The following MGA variants were observed in gnomAD, a reference collection of about 807,000 sequenced individuals.
MGA encodes the protein MAX dimerization protein MGA.
MGA carries 40 observed loss-of-function variants against 261.1 expected under a neutral mutation model. The observed-to-expected ratio is 0.15, with a 90% CI of 0.12 to 0.20. The LOEUF is 0.20. MGA is among the 10% of genes least tolerant of loss of function. The pLI, the probability that MGA is intolerant of heterozygous loss-of-function variation, is 1.00. For synonymous variants in MGA, 1,302 were observed against 1,290.6 expected (o/e 1.01, Z -0.19); for missense variants, 3,397 against 3,630.5 (o/e 0.94, Z 1.65).
Position 41,736,626 on chromosome 15 carries a change from A to G in MGA, c.4362A>G (p.Ala1454=), listed in dbSNP as rs758399095. ...GAGGCAAAGGTCTGCCTTTTTATGC[A>G]GGGCTTTCTCCTGCAGGGAAGCTTG... The change falls in exon 13 of 24, where the codon GCA becomes GCG. Residue 1454 remains alanine (A), a synonymous_variant. Coordinates refer to ENST00000219905, the MANE Select transcript of MGA (RefSeq NM_001164273.2). The G allele has an allele frequency of 3.7e-6, 6 of 1,613,898 alleles. No homozygotes were observed. The African/African-American group carries it at 6.7e-5, about 18-fold the overall frequency.
intron 9 of MGA, among the ~76,000 whole-genome samples, chr15:41,716,625 AAGAT>A (rs2060652408): frequency 6.6e-6 from 1 of 152,144 alleles, no homozygotes; most frequent in Non-Finnish European, 1.5e-5. Context: ...GTTTTGCAAA[AAGAT>A]AGGTGGAAAC....
intron 19 of MGA, among the ~76,000 whole-genome samples, chr15:41,759,593 G>T (rs1416785883): frequency 6.6e-6 from 1 of 151,402 alleles, no homozygotes; most frequent in Non-Finnish European, 1.5e-5. Flanking sequence ...GTGAGCCACT[G>T]TGCCTGGCCA....
intron 15 of MGA, among the ~76,000 whole-genome samples, chr15:41,745,226 T>C (rs913036256): frequency 6.7e-6 from 1 of 148,698 alleles, no homozygotes. Context: ...CCCTCCACTA[T>C]TGTCCTATGA....
At chr15:41,662,626 C>G (rs1200748366) in intron 1 of MGA, among the ~76,000 whole-genome samples, 1 of 152,122 alleles carries the variant, frequency 6.6e-6, no homozygotes, top group African/African-American at 2.4e-5. Flanking sequence ...TAATAGTTGG[C>G]TATTTTACTG....
At chr15:41,628,483 C>T (rs1204223849) in intron 1 of MGA, among the ~76,000 whole-genome samples, 1 of 149,832 alleles carries the variant, frequency 6.7e-6, no homozygotes, top group Non-Finnish European at 1.5e-5. Flanking sequence ...TCTGAAGTAA[C>T]ATTTGAACAT....
At chr15:41,752,806 C>T (rs147582509) in intron 17 of MGA, among the ~76,000 whole-genome samples, 155 of 152,242 alleles carry the variant, frequency 1.0e-3, no homozygotes, top group African/African-American at 3.5e-3. Flanking sequence ...GATCCACCCA[C>T]GTTGGCCTCC....
upstream of MGA, among the ~76,000 whole-genome samples, chr15:41,655,521 T>C (rs1035758259): frequency 6.6e-6 from 1 of 152,244 alleles, no homozygotes; most frequent in African/African-American, 2.4e-5. Context: ...TAGTATAATT[T>C]AAATGCTTTG....
intron 11 of MGA, among the ~76,000 whole-genome samples, chr15:41,729,597 G>A (rs996356052): frequency 6.6e-6 from 1 of 151,940 alleles, no homozygotes; most frequent in African/African-American, 2.4e-5. Context: ...TGAGGCAGGC[G>A]GATCAGTTGA....
rs1489348878 is a variant in MGA at position 41,696,590 on chromosome 15, A to C, written c.1580A>C (p.Glu527Ala). Residue 527 changes from glutamate to alanine, a missense_variant, in exon 3 of 24, where the codon GAA becomes GCA. Glu to Ala is a moderately radical substitution (Grantham distance 107, BLOSUM62 -1). Coordinates refer to ENST00000219905, the MANE Select transcript of MGA (RefSeq NM_001164273.2). The stretch of plus-strand genomic sequence containing the variant: ...GCCTTCTGCTTAGGCAAGGAATCAG[A>C]AAATGGTCTTAGAAAACATTCACCA... The C allele has an allele frequency of 1.9e-6, 3 of 1,614,006 alleles. No individual in the cohort carries two copies. Among genetic ancestry groups the C allele is most frequent in the Admixed American group, 3.3e-5 (2 of 60,026 alleles).
At chr15:41,710,128 C>T (rs1265467796) in intron 7 of MGA, among the ~76,000 whole-genome samples, 2 of 152,062 alleles carry the variant, frequency 1.3e-5, no homozygotes, top group Non-Finnish European at 1.5e-5. Flanking sequence ...TGCACAGGCT[C>T]CCTGTTACGT....
At chr15:41,623,278 TAATC>T (rs2056353541) in intron 1 of MGA, among the ~76,000 whole-genome samples, 1 of 152,188 alleles carries the variant, frequency 6.6e-6, no homozygotes, top group Non-Finnish European at 1.5e-5. Context: ...AAAGCTATGA[TAATC>T]AAAATATAAG....
chr15:41,741,357 A>AC (rs2062089279), intron 14 of MGA, among the ~76,000 whole-genome samples: 1 of 150,728 alleles, frequency 6.6e-6, no homozygotes, highest in Non-Finnish European at 1.5e-5. Context: ...AAAAAAAAAA[A>AC]AAAAAAAAAA....
chr15:41,709,805 C>G (rs542348897), intron 7 of MGA, among the ~76,000 whole-genome samples: 1 of 144,754 alleles, frequency 6.9e-6, no homozygotes, highest in South Asian at 2.2e-4. Flanking sequence ...TTTTTTTCCC[C>G]TGTTATGTGT....
intron 2 of MGA, among the ~76,000 whole-genome samples, chr15:41,695,792 G>C (rs1238008069): frequency 6.6e-6 from 1 of 152,156 alleles, no homozygotes; most frequent in African/African-American, 2.4e-5. Context: ...TATGTTTTAT[G>C]TTATGTGAAT....
rs543674458 is a variant in MGA at position 41,669,030 on chromosome 15, G to A, written c.136G>A (p.Asp46Asn). Reference sequence around the variant, plus strand: ...TCAAGGAATTTTGGTTACTAATCAGGATGCCTGTGCTTTGGCTAGTAGTGT... The same window carrying A: ...TCAAGGAATTTTGGTTACTAATCAGAATGCCTGTGCTTTGGCTAGTAGTGT... Residue 46 changes from aspartate to asparagine, a missense_variant, in exon 2 of 24, where the codon GAT becomes AAT. This residue lies in a region of MGA where 81 missense variants were observed against 84.3 expected (regional missense o/e 0.96). Transcript: ENST00000219905. The A allele has an allele frequency of 1.2e-6, 2 of 1,613,586 alleles. No individual in the cohort carries two copies. Among genetic ancestry groups the A allele is most frequent in the African/African-American group, 2.7e-5 (2 of 75,008 alleles).
intron 2 of MGA, among the ~76,000 whole-genome samples, chr15:41,677,172 C>A (rs916225432): frequency 8.5e-5 from 13 of 152,302 alleles, no homozygotes; most frequent in East Asian, 1.9e-4. Context: ...TTGAGTCTCG[C>A]TCTGTCGCCC....
rs1235762643 is a variant in MGA at position 41,769,925 on chromosome 15, TAAAAC to T, written c.*2648_*2652del. On this transcript the variant is annotated 3_prime_UTR_variant, in exon 24 of 24. Coordinates refer to ENST00000219905, the MANE Select transcript of MGA (RefSeq NM_001164273.2). ...ATATATAAACCTGAAATAAAGCAGTTAAAACAATTAAAGCAGAACTTGGTGTTGGG... is the reference window on the plus strand; with the variant it reads ...ATATATAAACCTGAAATAAAGCAGTTAATTAAAGCAGAACTTGGTGTTGGG... The T allele has an allele frequency of 2.6e-5, 4 of 152,558 alleles. No individual in the cohort carries two copies. Among genetic ancestry groups the T allele is most frequent in the Non-Finnish European group, 4.4e-5 (3 of 68,030 alleles). The allele number at this position is 152,558 out of a possible 1,614,324, so 9.5% of individuals were successfully genotyped here. A position where few individuals can be genotyped will look rare whatever the true frequency, so the allele number is the denominator to read the frequency against.
Position 41,749,990 on chromosome 15 carries a change from G to T in MGA, c.6383G>T (p.Ser2128Ile). 2 of 1,612,256 alleles carry T rather than the reference G, an allele frequency of 1.2e-6. No homozygotes were observed. Among genetic ancestry groups the T allele is most frequent in the Non-Finnish European group, 1.7e-6 (2 of 1,179,436 alleles). ...TTTGACAATCCAGAAGAAAACTCAA[G>T]TGAATTTCCAGTCACCTTTAAGGAA... Residue 2128 changes from serine to isoleucine, a missense_variant, in exon 17 of 24, where the codon AGT (serine) becomes ATT (isoleucine). Physicochemically the swap from Ser to Ile is moderately radical, Grantham distance 142 (BLOSUM62 -2). Coordinates refer to ENST00000219905, the MANE Select transcript of MGA (RefSeq NM_001164273.2).
At chr15:41,641,871 C>A (rs544012736) in intron 1 of MGA, among the ~76,000 whole-genome samples, 2 of 151,892 alleles carry the variant, frequency 1.3e-5, no homozygotes, top group Non-Finnish European at 2.9e-5. Flanking sequence ...TCACAACTTA[C>A]TGTAGTCTTG....
Sources: gnomAD v4.1 joint callset for allele counts (sites outside exome capture counted in the v4.1 genomes callset) on GRCh38, gnomAD v4.1.1 for gene constraint, gnomAD v4.1.1 regional missense constraint, MANE v1.5 for transcripts, NCBI Gene and HGNC (gene_info 2026-07-23, HGNC 2026-07-21) for gene names.